Variants in JOSD1 observed in about 807,000 individuals in gnomAD.
JOSD1 encodes Josephin domain containing 1.
In JOSD1, 11 loss-of-function variants were observed where a neutral mutation model predicts 24.3. The ratio of observed to expected loss-of-function variants is 0.45; its 90% CI spans 0.29 to 0.75. JOSD1 has a LOEUF of 0.75. JOSD1 is among the 30% of genes least tolerant of loss of function. The pLI is 0.11. For missense variants in JOSD1, 184 were observed against 253.5 expected (o/e 0.73, Z 1.86); for synonymous variants, 106 against 93.8 (o/e 1.13, Z -0.75).
chr22:38,701,037 C>T (rs1457797294), upstream of JOSD1: 2 of 947,538 alleles, frequency 2.1e-6, no homozygotes, highest in Non-Finnish European at 2.5e-6. Context: ...CCTCACTCCT[C>T]CCAGCCGTGG....
chr22:38,689,912 C>CTGTGTGTGTGTGTGTGTGTGTGTGTGTG (rs57064558), intron 2 of JOSD1, among the ~76,000 whole-genome samples: 86 of 144,630 alleles, frequency 5.9e-4, no homozygotes, highest in African/African-American at 2.1e-3. Flanking sequence ...TAAAGGCATT[C>CTGTGTGTGTGTGTGTGTGTGTGTGTGTG]TGTGTGTGTG....
upstream of JOSD1, chr22:38,700,949 C>G (rs1266537809): frequency 1.0e-6 from 1 of 984,694 alleles, no homozygotes; most frequent in Non-Finnish European, 1.2e-6. Flanking sequence ...CTGGGCCGTG[C>G]GGGCGGGCGC....
chr22:38,688,740 C>T (rs1395201394), intron 4 of JOSD1, among the ~76,000 whole-genome samples, 195 bp downstream of exon 4: 2 of 152,126 alleles, frequency 1.3e-5, no homozygotes, highest in Non-Finnish European at 2.9e-5. Context: ...ATCTTCCCTA[C>T]CAAAAGGACT....
Position 38,700,265 on chromosome 22 carries a change from A to C in JOSD1, c.-278T>G. The C allele has an allele frequency of 1.0e-5, 11 of 1,102,096 alleles. No homozygotes were observed. The highest frequency in any genetic ancestry group is 1.2e-5 in the Non-Finnish European group (11 of 903,872). The allele number at this position is 1,102,096 out of a possible 1,614,324, so 68.3% of individuals were successfully genotyped here. A position where few individuals can be genotyped will look rare whatever the true frequency, so the allele number is the denominator to read the frequency against. On this transcript the variant is annotated 5_prime_UTR_variant, in exon 2 of 5. Transcript: ENST00000683374. ...TTTAAAAAAACACATAAAATGTAAG[A>C]CCTTGTTTCCGTTTCCCCACCCTTC...
rs1402961646 is a variant in JOSD1, at chr22:38,686,092, T to C, written c.*1810A>G. Reference sequence around the variant, plus strand: ...TGGCTGGTGGTGGTTGGAATGTCATTGTGCAGGGCAGGAAAAGAGCTCCCT... The same window carrying C: ...TGGCTGGTGGTGGTTGGAATGTCATCGTGCAGGGCAGGAAAAGAGCTCCCT... On this transcript the variant is annotated 3_prime_UTR_variant, in exon 5 of 5. Coordinates refer to ENST00000683374, the MANE Select transcript of JOSD1 (RefSeq NM_001360236.2). 4 of 152,544 alleles carry C rather than the reference T, an allele frequency of 2.6e-5. No homozygotes were observed. The highest frequency in any genetic ancestry group is 1.9e-4 in the East Asian group (1 of 5,184). 9.4% of individuals were successfully genotyped at this position (152,544 alleles called of 1,614,324 possible).
intron 2 of JOSD1, among the ~76,000 whole-genome samples, chr22:38,690,710 G>A (rs1603136927): frequency 6.6e-6 from 1 of 151,974 alleles, no homozygotes; most frequent in Non-Finnish European, 1.5e-5. Context: ...CAGCAATACT[G>A]GTATTTTTCA....
chr22:38,687,637 ACTTTCTCCT>A lies in JOSD1; in HGVS notation c.*256_*264del. On this transcript the variant is annotated 3_prime_UTR_variant, in exon 5 of 5. Coordinates refer to ENST00000683374, the MANE Select transcript of JOSD1 (RefSeq NM_001360236.2). ...TAAGCTAGGATTCCCTCCCCGCTCC[ACTTTCTCCT>A]CTGTCTCTTAAATAAAACAAGGGTT... 2.3e-6 allele frequency: 1 copy of A among 430,324 alleles called. No homozygotes were observed. Among genetic ancestry groups the A allele is most frequent in the East Asian group, 3.7e-5 (1 of 26,726 alleles). The allele number at this position is 430,324 out of a possible 1,614,324, so 26.7% of individuals were successfully genotyped here.
At position 38,688,924 on chromosome 22, in the gene JOSD1, G is replaced by A. The variant is rs774793981; in HGVS notation, c.509+11C>T. 3.7e-6 allele frequency: 6 copies of A among 1,607,430 alleles called. No individual in the cohort carries two copies. The highest frequency in any genetic ancestry group is 5.1e-6 in the Non-Finnish European group (6 of 1,175,466). On this transcript the variant is annotated intron_variant, in intron 4 of 4. Coordinates refer to ENST00000683374, the MANE Select transcript of JOSD1 (RefSeq NM_001360236.2). ...CAGCCTAGCAACTTAGTCACAAAAG[G>A]TGCCGATTACCTGAGCTCGCTCTCG...
chr22:38,689,642 T>C (rs950735326), intron 2 of JOSD1, among the ~76,000 whole-genome samples: 1 of 152,094 alleles, frequency 6.6e-6, no homozygotes, highest in Non-Finnish European at 1.5e-5. Flanking sequence ...TTTCTGCTCT[T>C]CCTCCTGATA....
Position 38,700,149 on chromosome 22 carries a change from G to C in JOSD1, c.-162C>G. On this transcript the variant is annotated 5_prime_UTR_variant, in exon 2 of 5. Coordinates refer to ENST00000683374, the MANE Select transcript of JOSD1 (RefSeq NM_001360236.2). ...CTGGGAGAAAAGATTGGAATCAAAA[G>C]GAAAAAAATAAAACCCACCTCTTCT... The C allele has an allele frequency of 7.5e-7, 1 of 1,325,994 alleles. No homozygotes were observed. The highest frequency in any genetic ancestry group is 2.2e-5 in the South Asian group (1 of 44,738). The allele number at this position is 1,325,994 out of a possible 1,614,324, so 82.1% of individuals were successfully genotyped here. A position where few individuals can be genotyped will look rare whatever the true frequency, so the allele number is the denominator to read the frequency against.
chr22:38,694,629 G>A (rs889575643), intron 2 of JOSD1, among the ~76,000 whole-genome samples: 8 of 152,098 alleles, frequency 5.3e-5, no homozygotes, highest in Non-Finnish European at 7.4e-5. Flanking sequence ...CTGGGAGGCC[G>A]AGGTGGACGG....
rs749522862 is a variant in JOSD1 at position 38,700,023 on chromosome 22, A to AC, written c.-37dup. 6.5e-7 allele frequency: 1 copy of AC among 1,548,546 alleles called. No individual in the cohort carries two copies. The highest frequency in any genetic ancestry group is 8.7e-7 in the Non-Finnish European group (1 of 1,149,282). ...TTAGGTTCCAGAGATGGCTATAAAC[A>AC]CCCCACTCTTCCCTCTAGAGGAAGA... On this transcript the variant is annotated 5_prime_UTR_variant, in exon 2 of 5. Transcript: ENST00000683374.
Position 38,687,837 on chromosome 22 carries a change from T to C in JOSD1, c.*65A>G, listed in dbSNP as rs2092504511. 1 of 1,117,500 alleles carries C rather than the reference T, an allele frequency of 8.9e-7. No individual in the cohort carries two copies. Among genetic ancestry groups the C allele is most frequent in the Non-Finnish European group, 1.4e-6 (1 of 731,372 alleles). 69.2% of individuals were successfully genotyped at this position (1,117,500 alleles called of 1,614,324 possible). ...GGAAGTGGCAAGGGCAGACCCACTG[T>C]AGAGGCCACAGCACGTCACAGAGGA... On this transcript the variant is annotated 3_prime_UTR_variant, in exon 5 of 5. Transcript: ENST00000683374.
Position 38,700,298 on chromosome 22 carries a change from C to T in JOSD1, c.-311G>A. The T allele has an allele frequency of 2.9e-6, 3 of 1,032,208 alleles. No individual in the cohort carries two copies. The highest frequency in any genetic ancestry group is 3.5e-6 in the Non-Finnish European group (3 of 858,600). The allele number at this position is 1,032,208 out of a possible 1,614,324, so 63.9% of individuals were successfully genotyped here. A position where few individuals can be genotyped will look rare whatever the true frequency, so the allele number is the denominator to read the frequency against. ...TCCGTTTCCCCACCCTTCCCTCCCA[C>T]CCCCCTCCAAAATCCCCACGATTTT... is the stretch of plus-strand genomic sequence containing the variant. On this transcript the variant is annotated 5_prime_UTR_variant, in exon 2 of 5. It adds an upstream start codon to the 5' untranslated region. Transcript: ENST00000683374.
At chr22:38,699,651 T>G in intron 2 of JOSD1, 152 bp downstream of exon 2, 1 of 722,702 alleles carries the variant, frequency 1.4e-6, no homozygotes. Context: ...TAAATGGTAG[T>G]GATTATCTTT....
intron 2 of JOSD1, among the ~76,000 whole-genome samples, chr22:38,699,581 T>C (rs1297028365): frequency 6.6e-6 from 1 of 152,202 alleles, no homozygotes; most frequent in Non-Finnish European, 1.5e-5. Flanking sequence ...CTGTTGAAGA[T>C]CACTCAAGAA....
At chr22:38,695,374 C>A in intron 2 of JOSD1, among the ~76,000 whole-genome samples, 1 of 151,970 alleles carries the variant, frequency 6.6e-6, no homozygotes, top group East Asian at 1.9e-4. Context: ...TCACCAATAT[C>A]CCCAATCTCT....
Position 38,700,939 on chromosome 22 carries a change from C to T in JOSD1, c.-771G>A. On this transcript the variant is annotated 5_prime_UTR_variant, in exon 1 of 5. Coordinates refer to ENST00000683374, the MANE Select transcript of JOSD1 (RefSeq NM_001360236.2). ...CGCCACCTGGAGTGCGCGCCGCCAA[C>T]TGGGCCGTGCGGGCGGGCGCGCGCA... 5.1e-6 allele frequency: 5 copies of T among 984,798 alleles called. No homozygotes were observed. The highest frequency in any genetic ancestry group is 6.0e-6 in the Non-Finnish European group (5 of 829,726). 61.0% of individuals were successfully genotyped at this position (984,798 alleles called of 1,614,324 possible).
At position 38,699,999 on chromosome 22, in the gene JOSD1, T is replaced by G. The variant is rs201577538; in HGVS notation, c.-12A>C. On this transcript the variant is annotated 5_prime_UTR_variant, in exon 2 of 5. Coordinates refer to ENST00000683374, the MANE Select transcript of JOSD1 (RefSeq NM_001360236.2). The stretch of plus-strand genomic sequence containing the variant: ...GGCACACAACTCATGTTTTTTGTTT[T>G]AGGTTCCAGAGATGGCTATAAACAC... 1.6e-3 allele frequency: 2,476 copies of G among 1,582,990 alleles called. 21 individuals are homozygous for G. In the South Asian group the frequency reaches 0.016, roughly 10 times the overall value.
Sources: gnomAD v4.1 joint callset for allele counts (sites outside exome capture counted in the v4.1 genomes callset) on GRCh38, gnomAD v4.1.1 for gene constraint, MANE v1.5 for transcripts, NCBI Gene and HGNC (gene_info 2026-07-23, HGNC 2026-07-21) for gene names.